The following CABIN1 variants were observed in gnomAD, a reference collection of about 807,000 sequenced individuals.
The protein encoded by CABIN1 is calcineurin binding protein 1.
Under a neutral mutation model 227.7 loss-of-function variants are expected in CABIN1, and 133 were observed. The ratio of observed to expected loss-of-function variants is 0.58; its 90% CI spans 0.51 to 0.67. The LOEUF (loss-of-function observed/expected upper bound fraction) is 0.67. CABIN1 is among the 30% of genes least tolerant of loss of function. The pLI is 0.00. For synonymous variants in CABIN1, 1,086 were observed against 1,155.1 expected, an observed-to-expected ratio of 0.94 and a Z score of 1.21; for missense variants, 2,408 against 2,852.5, an observed-to-expected ratio of 0.84 and a Z score of 3.55.
chr22:24,097,993 C>T lies in CABIN1; in HGVS notation c.3939-21C>T, dbSNP rs1435912367. The T allele has an allele frequency of 2.0e-5, 32 of 1,613,962 alleles. No homozygotes were observed. The Admixed American group carries it at 5.0e-4, about 25-fold the overall frequency. On this transcript the variant is annotated intron_variant, in intron 25 of 36. Transcript: ENST00000263119. Reference sequence around the variant, plus strand: ...GTGAGGTGGAGACTCTGACCTGTGCCCCAAACCTCTGTTCCCACAGGGAGA... The same window carrying T: ...GTGAGGTGGAGACTCTGACCTGTGCTCCAAACCTCTGTTCCCACAGGGAGA...
intron 28 of CABIN1, among the ~76,000 whole-genome samples, chr22:24,121,564 C>G (rs1338134405): frequency 6.6e-6 from 1 of 152,246 alleles, no homozygotes; most frequent in Non-Finnish European, 1.5e-5. Flanking sequence ...CCCAGGCCTT[C>G]TGCACCCAGG....
chr22:24,079,626 GTTCT>G (rs967787015), intron 19 of CABIN1, among the ~76,000 whole-genome samples: 4 of 152,108 alleles, frequency 2.6e-5, no homozygotes, highest in African/African-American at 9.7e-5. Context: ...TTCTTTAGAT[GTTCT>G]TTCTAATAAT....
intron 26 of CABIN1, among the ~76,000 whole-genome samples, chr22:24,107,222 G>T (rs2042565257): frequency 2.0e-5 from 3 of 152,304 alleles, no homozygotes; most frequent in South Asian, 2.1e-4. Context: ...CCTGCAGGTG[G>T]CACCCAAGAC....
intron 10 of CABIN1, 145 bp downstream of exon 10, chr22:24,056,505 C>A: frequency 1.2e-6 from 1 of 807,512 alleles, no homozygotes; most frequent in Non-Finnish European, 2.0e-6. Flanking sequence ...GTCTGAAGCA[C>A]AAATCTCACT....
At chr22:24,038,688 G>A (rs2037121690) in intron 4 of CABIN1, among the ~76,000 whole-genome samples, 1 of 152,216 alleles carries the variant, frequency 6.6e-6, no homozygotes, top group Admixed American at 6.5e-5. Context: ...CCTGGTGTAA[G>A]TGCTTGTTAA....
chr22:24,018,497 G>A (rs1384433096), intron 1 of CABIN1, among the ~76,000 whole-genome samples: 2 of 152,130 alleles, frequency 1.3e-5, no homozygotes, highest in Non-Finnish European at 2.9e-5. Flanking sequence ...ATTCTTGTGA[G>A]TTATCTTTTT....
At chr22:24,065,791 T>C (rs2039619095) in intron 15 of CABIN1, among the ~76,000 whole-genome samples, 1 of 152,204 alleles carries the variant, frequency 6.6e-6, no homozygotes, top group Non-Finnish European at 1.5e-5. Flanking sequence ...CACTCGCGAT[T>C]AGGAGCTGGA....
intron 28 of CABIN1, among the ~76,000 whole-genome samples, chr22:24,130,795 C>T (rs1161264184): frequency 6.6e-6 from 1 of 152,206 alleles, no homozygotes. Flanking sequence ...CATTGATCAG[C>T]TCTCTTTCTC....
At chr22:24,056,460 C>A (rs1236115592) in intron 10 of CABIN1, 100 bp downstream of exon 10, 7 of 1,172,696 alleles carry the variant, frequency 6.0e-6, no homozygotes, top group East Asian at 2.4e-5. Context: ...CTTCTCTGGT[C>A]TCCTCCTCTG....
intron 26 of CABIN1, among the ~76,000 whole-genome samples, chr22:24,111,483 T>G (rs4368430): frequency 0.017 from 2,610 of 152,304 alleles, 49 homozygotes; most frequent in Non-Finnish European, 0.028. Flanking sequence ...ATCTAGGTTG[T>G]GCGCTCCTCG....
Position 24,177,569 on chromosome 22 carries a change from C to A in CABIN1, c.6271C>A (p.Pro2091Thr). 1.9e-6 allele frequency: 3 copies of A among 1,598,558 alleles called. No homozygotes were observed. Among genetic ancestry groups the A allele is most frequent in the Non-Finnish European group, 2.6e-6 (3 of 1,169,738 alleles). The change falls in exon 36 of 37, where the codon CCC becomes ACC. Residue 2091 changes from proline to threonine, a missense_variant. Around this residue, in one of 3 missense-constraint regions of CABIN1, gnomAD observed 714 missense variants for 773.8 expected, o/e 0.92. Coordinates refer to ENST00000263119, the MANE Select transcript of CABIN1 (RefSeq NM_012295.4). This position sits in a 1 kb window ranked among gnomAD's most constrained non-coding sequence, Gnocchi z 4.4. Reference protein sequence around the residue: ...EAQEAASETQPLSSPPTAASS... With the variant: ...EAQEAASETQTLSSPPTAASS... The stretch of plus-strand genomic sequence containing the variant: ...TCAGGAGGCTGCGAGTGAGACTCAG[C>A]CCCTGAGCTCTCCCCCAACAGCTGC...
Position 24,178,361 on chromosome 22 carries a change from G to C in CABIN1, c.*165G>C, listed in dbSNP as rs948651884. On this transcript the variant is annotated 3_prime_UTR_variant, in exon 37 of 37. Coordinates refer to ENST00000263119, the MANE Select transcript of CABIN1 (RefSeq NM_012295.4). ...CTCATGGCATCCTCCCTGTACCCAGGTCAGGCTGTCCACACCACATGGGAG... is the reference window on the plus strand; with the variant it reads ...CTCATGGCATCCTCCCTGTACCCAGCTCAGGCTGTCCACACCACATGGGAG... 6 of 831,646 alleles carry C rather than the reference G, an allele frequency of 7.2e-6. No homozygotes were observed. Among genetic ancestry groups the C allele is most frequent in the African/African-American group, 1.7e-5 (1 of 58,860 alleles). 51.5% of individuals were successfully genotyped at this position (831,646 alleles called of 1,614,324 possible).
chr22:24,111,661 A>G (rs767249734), intron 26 of CABIN1, among the ~76,000 whole-genome samples: 19 of 152,262 alleles, frequency 1.2e-4, no homozygotes, highest in Non-Finnish European at 1.9e-4. Context: ...TATCTCATGC[A>G]AGAATATTGT....
At chr22:24,031,050 A>G (rs2036456745) in intron 1 of CABIN1, among the ~76,000 whole-genome samples, 1 of 152,178 alleles carries the variant, frequency 6.6e-6, no homozygotes, top group Non-Finnish European at 1.5e-5. Flanking sequence ...TGATGGCTGT[A>G]TTGATGTTCT....
Position 24,067,123 on chromosome 22 carries a change from A to G in CABIN1, c.2174A>G (p.Lys725Arg). 1 of 1,614,214 alleles carries G rather than the reference A, an allele frequency of 6.2e-7. No homozygotes were observed. The highest frequency in any genetic ancestry group is 8.5e-7 in the Non-Finnish European group (1 of 1,180,042). ...TGCACCAGTGGGTTTGACCGGGCCA[A>G]ACACCTGGAGTTTATGACTTCCATT... is the stretch of plus-strand genomic sequence containing the variant. Reference protein sequence around the residue: ...TLCTSGFDRAKHLEFMTSIPE... With the variant: ...TLCTSGFDRARHLEFMTSIPE... Residue 725 changes from lysine to arginine, a missense_variant, in exon 16 of 37, where the codon AAA (lysine) becomes AGA (arginine). Lys to Arg is a conservative substitution (Grantham distance 26, BLOSUM62 2). Transcript: ENST00000263119.
intron 1 of CABIN1, among the ~76,000 whole-genome samples, chr22:24,017,755 A>G (rs907664276): frequency 4.0e-5 from 6 of 149,768 alleles, no homozygotes; most frequent in African/African-American, 1.5e-4. Context: ...TTGTTTAGCC[A>G]TTCATCTGTC....
At chr22:24,050,712 GAA>G in intron 7 of CABIN1, 111 bp from the exon 8 acceptor site, 1 of 1,319,748 alleles carries the variant, frequency 7.6e-7, no homozygotes, top group Non-Finnish European at 1.1e-6. Flanking sequence ...TTATTTATAG[GAA>G]GAAAAATACA....
chr22:24,024,402 TG>T (rs1336002942), intron 1 of CABIN1, among the ~76,000 whole-genome samples: 4 of 152,224 alleles, frequency 2.6e-5, no homozygotes, highest in Non-Finnish European at 4.4e-5. Flanking sequence ...TTTTTCCATA[TG>T]TTTTTTCCTA....
chr22:24,088,942 G>T (rs576948909), intron 23 of CABIN1, among the ~76,000 whole-genome samples: 1 of 152,088 alleles, frequency 6.6e-6, no homozygotes, highest in South Asian at 2.1e-4. Flanking sequence ...TAACTGTTCT[G>T]CACTAAAGTC....
Sources: gnomAD v4.1 joint callset for allele counts (sites outside exome capture counted in the v4.1 genomes callset) on GRCh38, gnomAD v4.1.1 for gene constraint, gnomAD v4.1.1 regional missense constraint, Gnocchi (gnomAD v3.1) non-coding constraint, MANE v1.5 for transcripts, NCBI Gene and HGNC (gene_info 2026-07-23, HGNC 2026-07-21) for gene names.